EXT2: variants seen among roughly 807,000 people sequenced by gnomAD.
EXT2 encodes exostosin glycosyltransferase 2, also known as exostosin-2.
Under a neutral mutation model 81.6 loss-of-function variants are expected in EXT2, and 53 were observed. That is an observed-to-expected ratio of 0.65 (90% CI 0.52 to 0.82). The LOEUF (loss-of-function observed/expected upper bound fraction) is 0.82, where lower values mean the gene tolerates loss of function less well. Among genes scored for constraint, EXT2 ranks in the 40% least tolerant of loss-of-function variants. The pLI, the probability that EXT2 is intolerant of heterozygous loss-of-function variation, is 0.00. For missense variants in EXT2, 774 were observed against 910.2 expected, an observed-to-expected ratio of 0.85 and a Z score of 1.93; for synonymous variants, 320 against 340.0, an observed-to-expected ratio of 0.94 and a Z score of 0.65.
chr11:44,226,988 A>G (rs1298549441), intron 10 of EXT2, among the ~76,000 whole-genome samples: 4 of 152,208 alleles, frequency 2.6e-5, no homozygotes, highest in African/African-American at 9.6e-5. Flanking sequence ...CTCTTGGTTC[A>G]TGAGTCCTGA....
intron 6 of EXT2, among the ~76,000 whole-genome samples, chr11:44,128,379 G>A (rs1954440045): frequency 6.6e-6 from 1 of 152,122 alleles, no homozygotes; most frequent in Non-Finnish European, 1.5e-5. Flanking sequence ...TTAGAGAAGC[G>A]ATGAGCCACT....
intron 7 of EXT2, among the ~76,000 whole-genome samples, chr11:44,131,537 T>G (rs1954493015): frequency 1.3e-5 from 2 of 152,232 alleles, no homozygotes; most frequent in African/African-American, 4.8e-5. Context: ...TTAGCTTCCC[T>G]GCAGTTTATT....
At chr11:44,192,808 C>G (rs1240053268) in intron 8 of EXT2, among the ~76,000 whole-genome samples, 3 of 152,116 alleles carry the variant, frequency 2.0e-5, no homozygotes, top group Admixed American at 6.5e-5. Context: ...TCTATAAAAT[C>G]CTACACTTCT....
rs1428277608 is a variant in EXT2, at chr11:44,246,478, T to C, written c.*2191T>C. 6.6e-6 allele frequency among the ~76,000 whole-genome samples: 1 copy of C among 152,210 alleles called. No homozygotes were observed. Among genetic ancestry groups the C allele is most frequent in the Non-Finnish European group, 1.5e-5 (1 of 68,032 alleles). ...TGAGCCCTAGAGAGCTGTGTGACTT[T>C]ATCATCGTCATAGGAGTCATTGGAC... On this transcript the variant is annotated 3_prime_UTR_variant, in exon 14 of 14. Coordinates refer to ENST00000533608, the MANE Select transcript of EXT2 (RefSeq NM_207122.2).
chr11:44,100,688 G>A (rs1305234605), intron 1 of EXT2, among the ~76,000 whole-genome samples: 1 of 152,164 alleles, frequency 6.6e-6, no homozygotes, highest in Non-Finnish European at 1.5e-5. Context: ...CTCTGTTGAA[G>A]GTCGGGCCCA....
chr11:44,133,785 G>C (rs1396456694), intron 7 of EXT2, among the ~76,000 whole-genome samples: 1 of 152,170 alleles, frequency 6.6e-6, no homozygotes, highest in Non-Finnish European at 1.5e-5. Flanking sequence ...GTAGGGTCTT[G>C]GTGAGGAAGG....
At chr11:44,214,161 T>TGTA (rs1564979399) in intron 10 of EXT2, among the ~76,000 whole-genome samples, 1 of 151,992 alleles carries the variant, frequency 6.6e-6, no homozygotes, top group Non-Finnish European at 1.5e-5. Flanking sequence ...TCGCCCAGGC[T>TGTA]GTAGTGCAGT....
intron 3 of EXT2, among the ~76,000 whole-genome samples, chr11:44,110,745 G>A (rs1954131548): frequency 6.6e-6 from 1 of 152,198 alleles, no homozygotes; most frequent in Non-Finnish European, 1.5e-5. Flanking sequence ...CTGCAGGAAG[G>A]TGTCAAGTAG....
chr11:44,171,650 G>A lies in EXT2; in HGVS notation c.1213G>A (p.Ala405Thr). 6.2e-7 allele frequency: 1 copy of A among 1,614,112 alleles called. No individual in the cohort carries two copies. The highest frequency in any genetic ancestry group is 8.5e-7 in the Non-Finnish European group (1 of 1,180,018). ...FWEAYFQSIKAIALATLQIIN... is the reference protein window; with the variant it reads ...FWEAYFQSIKTIALATLQIIN... Reference sequence around the variant, plus strand: ...GGAAGCGTACTTCCAGTCAATTAAAGCCATTGCCCTGGCCACCCTGCAGAT... The same window carrying A: ...GGAAGCGTACTTCCAGTCAATTAAAACCATTGCCCTGGCCACCCTGCAGAT... The change falls in exon 8 of 14, where the codon GCC (alanine) becomes ACC (threonine). Residue 405 changes from alanine to threonine, a missense_variant. Ala to Thr is a moderately conservative substitution (Grantham distance 58). Transcript: ENST00000533608.
chr11:44,238,835 C>G (rs908007525), intron 13 of EXT2, among the ~76,000 whole-genome samples: 1 of 152,156 alleles, frequency 6.6e-6, no homozygotes, highest in Non-Finnish European at 1.5e-5. Flanking sequence ...CAAGAAGAAG[C>G]CCAATTTGGA....
At chr11:44,118,341 A>G (rs1277115555) in intron 4 of EXT2, among the ~76,000 whole-genome samples, 6 of 152,042 alleles carry the variant, frequency 3.9e-5, no homozygotes, top group Non-Finnish European at 5.9e-5. Flanking sequence ...TAGATAGCAT[A>G]TTGTGACATC....
In EXT2 at chr11:44,108,051, G is replaced by C. The variant is rs1207062791; in HGVS notation, c.339G>C (p.Lys113Asn). The C allele has an allele frequency of 6.8e-6, 11 of 1,614,166 alleles. No homozygotes were observed. Among genetic ancestry groups the C allele is most frequent in the South Asian group, 1.1e-5 (1 of 91,078 alleles). The change falls in exon 2 of 14, where the codon AAG becomes AAC. Residue 113 changes from lysine (K) to asparagine (N), a missense_variant. By Grantham distance (94) the Lys-to-Asn change is moderately conservative (BLOSUM62 0). Transcript: ENST00000533608. ...KIKVYIYALK[K>N]YVDDFGVSVS... is the part of the protein sequence containing the mutation. ...AGGTGTATATCTATGCTCTGAAAAA[G>C]TACGTGGATGACTTTGGCGTCTCTG...
intron 7 of EXT2, among the ~76,000 whole-genome samples, chr11:44,145,212 A>G (rs954738578): frequency 3.9e-5 from 6 of 152,166 alleles, no homozygotes; most frequent in African/African-American, 1.2e-4. Context: ...TGACTTCAGT[A>G]TAGCTTCTTT....
At chr11:44,140,077 AG>A (rs1210914456) in intron 7 of EXT2, among the ~76,000 whole-genome samples, 1 of 152,164 alleles carries the variant, frequency 6.6e-6, no homozygotes, top group African/African-American at 2.4e-5. Flanking sequence ...GGGTTTTCCA[AG>A]GGCTTTTATT....
intron 13 of EXT2, among the ~76,000 whole-genome samples, chr11:44,237,287 G>C (rs140951688): frequency 1.3e-5 from 2 of 152,192 alleles, no homozygotes; most frequent in East Asian, 3.9e-4. Flanking sequence ...TTGTGTGTGT[G>C]TGCAGAAAGT....
chr11:44,203,923 G>C (rs1955551113), intron 9 of EXT2, among the ~76,000 whole-genome samples: 1 of 152,270 alleles, frequency 6.6e-6, no homozygotes, highest in Non-Finnish European at 1.5e-5. Context: ...ACAGGGCAAT[G>C]ATGACTACAG....
At chr11:44,158,795 AT>A (rs1446997682) in intron 7 of EXT2, among the ~76,000 whole-genome samples, 1 of 151,564 alleles carries the variant, frequency 6.6e-6, no homozygotes, top group Non-Finnish European at 1.5e-5. Context: ...AATTTCCTCA[AT>A]TTTTTTTCTG....
At chr11:44,115,661 G>A (rs1288768716) in intron 4 of EXT2, among the ~76,000 whole-genome samples, 1 of 152,194 alleles carries the variant, frequency 6.6e-6, no homozygotes, top group Non-Finnish European at 1.5e-5. Flanking sequence ...GAAATAGTTT[G>A]CCTGGAGACC....
At chr11:44,099,897 A>C (rs1953957678) in intron 1 of EXT2, among the ~76,000 whole-genome samples, 1 of 151,830 alleles carries the variant, frequency 6.6e-6, no homozygotes, top group Admixed American at 6.6e-5. Context: ...ATTCCACCTC[A>C]AGTGCTTGCT....
Sources: gnomAD v4.1 joint callset for allele counts (sites outside exome capture counted in the v4.1 genomes callset) on GRCh38, gnomAD v4.1.1 for gene constraint, MANE v1.5 for transcripts, NCBI Gene and HGNC (gene_info 2026-07-23, HGNC 2026-07-21) for gene names.